Variants in CNTN5 observed in about 807,000 individuals in gnomAD.
CNTN5 encodes the protein contactin 5.
Under a neutral mutation model 129.1 loss-of-function variants are expected in CNTN5, and 77 were observed. The observed-to-expected ratio is 0.60, with a 90% CI of 0.50 to 0.72. The LOEUF is 0.72. CNTN5 is among the 30% of genes least tolerant of loss of function. The pLI, the probability that CNTN5 is intolerant of heterozygous loss-of-function variation, is 0.00. For missense variants in CNTN5, 1,478 were observed against 1,328.8 expected, an observed-to-expected ratio of 1.11 and a Z score of -1.75; for synonymous variants, 509 against 465.6, an observed-to-expected ratio of 1.09 and a Z score of -1.20.
chr11:99,743,089 C>T (rs950662272), intron 3 of CNTN5, among the ~76,000 whole-genome samples: 1 of 152,110 alleles, frequency 6.6e-6, no homozygotes, highest in Non-Finnish European at 1.5e-5. Context: ...AAGAAAAATT[C>T]ATTGCTTTGC....
chr11:100,157,758 A>G (rs1315237719), intron 13 of CNTN5, among the ~76,000 whole-genome samples: 1 of 151,838 alleles, frequency 6.6e-6, no homozygotes, highest in Non-Finnish European at 1.5e-5. Context: ...TTGCAAACAC[A>G]TGTTATAGAA....
intron 6 of CNTN5, among the ~76,000 whole-genome samples, chr11:99,901,578 C>T (rs527666826): frequency 2.6e-5 from 4 of 152,086 alleles, no homozygotes; most frequent in Non-Finnish European, 5.9e-5. Flanking sequence ...CAGGCACGAG[C>T]CACCATGCCT....
At chr11:99,888,801 T>C (rs1194480272) in intron 6 of CNTN5, among the ~76,000 whole-genome samples, 4 of 152,204 alleles carry the variant, frequency 2.6e-5, no homozygotes, top group South Asian at 2.1e-4. Flanking sequence ...TACGGAACAG[T>C]TGAGCTTACA....
At chr11:99,859,398 G>A (rs1948138991) in intron 6 of CNTN5, among the ~76,000 whole-genome samples, 1 of 152,112 alleles carries the variant, frequency 6.6e-6, no homozygotes, top group African/African-American at 2.4e-5. Context: ...TTTATGTGCA[G>A]GTTTGTTACC....
At chr11:100,312,859 G>A (rs1951496369) in intron 21 of CNTN5, among the ~76,000 whole-genome samples, 1 of 152,002 alleles carries the variant, frequency 6.6e-6, no homozygotes, top group South Asian at 2.1e-4. Context: ...ACATCAATAA[G>A]ATAGATAAGG....
chr11:99,876,662 T>C (rs767645502), intron 6 of CNTN5, among the ~76,000 whole-genome samples: 7 of 152,178 alleles, frequency 4.6e-5, no homozygotes, highest in Non-Finnish European at 7.3e-5. Context: ...AATAACATAG[T>C]ATAAAAATTA....
intron 3 of CNTN5, among the ~76,000 whole-genome samples, chr11:99,617,171 C>G (rs1950787451): frequency 6.6e-6 from 1 of 152,048 alleles, no homozygotes; most frequent in African/African-American, 2.4e-5. Flanking sequence ...GGCTGCAACT[C>G]AAAGATTGAG....
Position 99,772,084 on chromosome 11 carries a change from T to A in CNTN5, c.56-47460T>A, listed in dbSNP as rs539310231. On this transcript the variant is annotated intron_variant, in intron 3 of 24. Transcript: ENST00000524871. Reference sequence around the variant, plus strand: ...AACTTCTGAGGTATTTTTTTTTTTTTATCAACAATGGAGTGCTCTTTCTGA... The same window carrying A: ...AACTTCTGAGGTATTTTTTTTTTTTAATCAACAATGGAGTGCTCTTTCTGA... Among the ~76,000 whole-genome samples, 328 of 143,808 alleles carry A rather than the reference T, an allele frequency of 2.3e-3. 1 individual carries two copies. The highest frequency in any genetic ancestry group is 3.5e-3 in the Non-Finnish European group (233 of 65,864). 94.3% of individuals were successfully genotyped at this position (143,808 alleles called of 152,430 possible).
intron 13 of CNTN5, among the ~76,000 whole-genome samples, chr11:100,174,408 C>G (rs1947903935): frequency 6.6e-6 from 1 of 152,076 alleles, no homozygotes; most frequent in Non-Finnish European, 1.5e-5. Context: ...TAGTTCTTAA[C>G]CTTGTTTTCA....
At chr11:99,357,601 C>T (rs1327631221) in intron 2 of CNTN5, among the ~76,000 whole-genome samples, 1 of 151,608 alleles carries the variant, frequency 6.6e-6, no homozygotes, top group Non-Finnish European at 1.5e-5. Context: ...TCAGAAATGG[C>T]TCTATAGCAT....
At chr11:99,831,313 G>A (rs1426707392) in intron 4 of CNTN5, among the ~76,000 whole-genome samples, 1 of 152,162 alleles carries the variant, frequency 6.6e-6, no homozygotes, top group East Asian at 1.9e-4. Context: ...CCTGCAAAAA[G>A]TTGTTGAGAT....
chr11:100,318,016 C>T (rs1951602580), intron 21 of CNTN5, among the ~76,000 whole-genome samples: 1 of 151,764 alleles, frequency 6.6e-6, no homozygotes. Context: ...CCCAGATGGG[C>T]GGATCATGAG....
intron 1 of CNTN5, among the ~76,000 whole-genome samples, chr11:99,290,843 A>G (rs1308557151): frequency 6.6e-6 from 1 of 151,794 alleles, no homozygotes; most frequent in Non-Finnish European, 1.5e-5. Flanking sequence ...AAAGTTTCTA[A>G]CTTTTGCTGG....
intron 1 of CNTN5, among the ~76,000 whole-genome samples, chr11:99,203,318 A>G (rs2135638288): frequency 6.6e-6 from 1 of 152,278 alleles, no homozygotes; most frequent in African/African-American, 2.4e-5. Flanking sequence ...GGAAGTTTAT[A>G]TTGCTTTATG....
chr11:100,240,821 G>T (rs1327072949), intron 16 of CNTN5, among the ~76,000 whole-genome samples: 3 of 152,176 alleles, frequency 2.0e-5, no homozygotes, highest in African/African-American at 7.2e-5. Context: ...TAAATGTGTT[G>T]TCCTAGTGTG....
At chr11:99,920,807 C>G (rs1949919052) in intron 7 of CNTN5, among the ~76,000 whole-genome samples, 1 of 152,136 alleles carries the variant, frequency 6.6e-6, no homozygotes, top group Non-Finnish European at 1.5e-5. Context: ...TACCAAAACA[C>G]TTGCCAACTA....
chr11:99,258,520 C>A (rs182751984), intron 1 of CNTN5, among the ~76,000 whole-genome samples: 1 of 152,076 alleles, frequency 6.6e-6, no homozygotes, highest in Non-Finnish European at 1.5e-5. Flanking sequence ...TTGATTTACA[C>A]GTGTCTTTTT....
At chr11:100,295,441 T>C (rs115351339) in intron 18 of CNTN5, among the ~76,000 whole-genome samples, 1 of 150,694 alleles carries the variant, frequency 6.6e-6, no homozygotes, top group Admixed American at 6.6e-5. Flanking sequence ...TGTTCACTTG[T>C]TTTTTTTTAA....
intron 1 of CNTN5, among the ~76,000 whole-genome samples, chr11:99,038,652 C>T (rs1416452999): frequency 3.3e-5 from 5 of 152,034 alleles, no homozygotes; most frequent in African/African-American, 1.2e-4. Context: ...CTTCTTTTAG[C>T]TCTGCTGAAA....
Sources: gnomAD v4.1 joint callset for allele counts (sites outside exome capture counted in the v4.1 genomes callset) on GRCh38, gnomAD v4.1.1 for gene constraint, MANE v1.5 for transcripts, NCBI Gene and HGNC (gene_info 2026-07-23, HGNC 2026-07-21) for gene names.